WDR59: variants seen among roughly 807,000 people sequenced by gnomAD.
The protein encoded by WDR59 is GATOR2 complex protein WDR59.
A neutral mutation model predicts 131.2 loss-of-function variants in WDR59; 100 were observed. The observed-to-expected ratio is 0.76, with a 90% CI of 0.65 to 0.90. WDR59 has a LOEUF of 0.90. Ranked by LOEUF, WDR59 falls within the 40% of genes least tolerant of loss-of-function variation. The pLI is 0.00. For missense variants in WDR59, 1,203 were observed against 1,262.2 expected (o/e 0.95, Z 0.71); for synonymous variants, 601 against 466.2 (o/e 1.29, Z -3.72).
intron 8 of WDR59, among the ~76,000 whole-genome samples, chr16:74,935,641 C>T (rs920178031): frequency 1.3e-5 from 2 of 151,880 alleles, no homozygotes; most frequent in Admixed American, 6.6e-5. Context: ...ACATATTGGT[C>T]CTTATCTACT....
chr16:74,940,855 G>A (rs539449125), intron 7 of WDR59, among the ~76,000 whole-genome samples: 1 of 151,978 alleles, frequency 6.6e-6, no homozygotes, highest in East Asian at 2.0e-4. Context: ...ACAGGCGCCC[G>A]CCATCACGCC....
chr16:74,913,147 C>G (rs945116884), intron 13 of WDR59, among the ~76,000 whole-genome samples: 1 of 151,982 alleles, frequency 6.6e-6, no homozygotes, highest in African/African-American at 2.4e-5. Context: ...GCAGCTTTGT[C>G]ACGGTGAGCT....
Position 74,938,252 on chromosome 16 carries a change from T to G in WDR59, c.549A>C (p.Ala183=), listed in dbSNP as rs137880616. ...RIWDKRKPST[A]VEYLAAHLSK... Reference sequence around the variant, plus strand: ...AGAGGTGGGCGGCTAGATATTCCACTGCTGTACTGGGTTTCTGCAACAGAT... The same window carrying G: ...AGAGGTGGGCGGCTAGATATTCCACGGCTGTACTGGGTTTCTGCAACAGAT... Residue 183 remains alanine, a synonymous_variant, in exon 8 of 26, where the codon GCA becomes GCC. Transcript: ENST00000262144. 4 of 1,552,474 alleles carry G rather than the reference T, an allele frequency of 2.6e-6. No individual in the cohort carries two copies. In the African/African-American group the frequency reaches 5.6e-5, roughly 22 times the overall value.
intron 8 of WDR59, among the ~76,000 whole-genome samples, chr16:74,935,954 G>A (rs897003926): frequency 1.7e-4 from 26 of 149,832 alleles, no homozygotes; most frequent in South Asian, 2.1e-4. Flanking sequence ...CCGAGATCGC[G>A]CCACTGCACT....
At position 74,948,504 on chromosome 16, in the gene WDR59, G is replaced by A; in HGVS notation, c.445+15C>T. On this transcript the variant is annotated intron_variant, in intron 6 of 25. Transcript: ENST00000262144. The stretch of plus-strand genomic sequence containing the variant: ...ACCAAGGCGCCAGGGTGAGGTGGGA[G>A]AAGCATACACTCACCAACAGCAGAC... The A allele has an allele frequency of 6.2e-7, 1 of 1,611,358 alleles. No homozygotes were observed. Among genetic ancestry groups the A allele is most frequent in the Non-Finnish European group, 8.5e-7 (1 of 1,177,604 alleles).
chr16:74,887,381 A>C (rs1317678360), intron 23 of WDR59, among the ~76,000 whole-genome samples: 1 of 152,158 alleles, frequency 6.6e-6, no homozygotes, highest in Non-Finnish European at 1.5e-5. Context: ...TGAACATGGA[A>C]AGAGCATGTG....
chr16:74,908,883 C>T (rs748307635), intron 17 of WDR59, 25 bp downstream of exon 17: 19 of 1,609,296 alleles, frequency 1.2e-5, no homozygotes, highest in East Asian at 8.9e-5. Context: ...GAACGTAGAG[C>T]GGCTTCTGCA....
intron 23 of WDR59, 26 bp downstream of exon 23, chr16:74,887,657 G>T: frequency 6.2e-7 from 1 of 1,611,448 alleles, no homozygotes; most frequent in Non-Finnish European, 8.5e-7. Context: ...AAAATCCAGC[G>T]TGGGCTAAGT....
chr16:74,984,696 G>A (rs137879608), intron 1 of WDR59: 112 of 509,274 alleles, frequency 2.2e-4, no homozygotes, highest in African/African-American at 1.9e-3. Context: ...CACTCACGAT[G>A]CGCAGTCTCT....
intron 13 of WDR59, among the ~76,000 whole-genome samples, chr16:74,913,200 A>G (rs1966192810): frequency 6.6e-6 from 1 of 151,828 alleles, no homozygotes; most frequent in Admixed American, 6.6e-5. Context: ...GACTACACAA[A>G]GACAAACAAC....
intron 1 of WDR59, among the ~76,000 whole-genome samples, chr16:74,972,515 G>C (rs1317850741): frequency 6.6e-6 from 1 of 151,990 alleles, no homozygotes; most frequent in African/African-American, 2.4e-5. Context: ...GGTATGCATC[G>C]GCTTTGCAGT....
intron 3 of WDR59, among the ~76,000 whole-genome samples, chr16:74,953,726 G>T (rs1267489621): frequency 6.6e-6 from 1 of 152,244 alleles, no homozygotes; most frequent in South Asian, 2.1e-4. Flanking sequence ...GCAAGGCCGG[G>T]CGTGGTGTCT....
chr16:74,878,179 G>A (rs1964308811), intron 25 of WDR59, among the ~76,000 whole-genome samples: 1 of 152,138 alleles, frequency 6.6e-6, no homozygotes, highest in African/African-American at 2.4e-5. Context: ...AACCCACAAT[G>A]TAAGAAATCA....
chr16:74,887,201 A>G (rs1343747448), intron 23 of WDR59, among the ~76,000 whole-genome samples: 2 of 152,102 alleles, frequency 1.3e-5, no homozygotes, highest in Non-Finnish European at 2.9e-5. Context: ...ACTGGGCATG[A>G]GCTACTTTTG....
At chr16:74,909,288 A>G (rs576659041) in intron 16 of WDR59, among the ~76,000 whole-genome samples, 4 of 152,238 alleles carry the variant, frequency 2.6e-5, no homozygotes, top group African/African-American at 9.6e-5. Flanking sequence ...CATCAGAATG[A>G]AGAAAGTTAA....
chr16:74,884,856 G>A (rs759902519), intron 25 of WDR59, among the ~76,000 whole-genome samples: 10 of 152,118 alleles, frequency 6.6e-5, no homozygotes, highest in African/African-American at 2.4e-4. Flanking sequence ...ATGGCTCCAC[G>A]GTTCCTTTAA....
At chr16:74,899,263 C>G (rs1016998101) in intron 18 of WDR59, among the ~76,000 whole-genome samples, 4 of 152,162 alleles carry the variant, frequency 2.6e-5, no homozygotes, top group African/African-American at 9.7e-5. Flanking sequence ...GTGGGCACCT[C>G]CCTCTGTGAA....
Position 74,903,993 on chromosome 16 carries a change from C to T in WDR59, c.1820G>A (p.Ser607Asn), listed in dbSNP as rs764105796. 9.9e-6 allele frequency: 16 copies of T among 1,611,122 alleles called. No individual in the cohort carries two copies. The Admixed American group carries it at 2.5e-4, about 25-fold the overall frequency. The stretch of plus-strand genomic sequence containing the variant: ...GCTGATGGAGACCTGCTCTTTCTCG[C>T]TGCGAGTGGGGCTCCCACTGTATAA... Reference protein sequence around the residue: ...LRLYSGSPTRSEKEQVSISSF... With the variant: ...LRLYSGSPTRNEKEQVSISSF... The change falls in exon 18 of 26, where the codon AGC becomes AAC. Residue 607 changes from serine (S) to asparagine (N), a missense_variant. Coordinates refer to ENST00000262144, the MANE Select transcript of WDR59 (RefSeq NM_030581.4).
In WDR59 at chr16:74,916,203, A is replaced by G; in HGVS notation, c.1023T>C (p.Leu341=). ...GCAGGGTCTTCTCAGGTTCCGGCAG[A>G]AGGGAAATACTCTCAATGAACTCAT... is the stretch of plus-strand genomic sequence containing the variant. ...GVDEFIESIS[L]LPEPEKTLHT... Residue 341 remains leucine (L), a synonymous_variant, in exon 12 of 26, where the codon CTT becomes CTC. Transcript: ENST00000262144. 6.2e-7 allele frequency: 1 copy of G among 1,614,052 alleles called. No homozygotes were observed. The highest frequency in any genetic ancestry group is 2.2e-5 in the East Asian group (1 of 44,886).
Sources: allele counts gnomAD v4.1 joint callset (sites outside exome capture counted in the v4.1 genomes callset), GRCh38; gene constraint gnomAD v4.1.1; transcripts MANE v1.5; gene names NCBI Gene and HGNC (gene_info 2026-07-23, HGNC 2026-07-21).